CCSER1: variants seen among roughly 807,000 people sequenced by gnomAD.
CCSER1 encodes the protein coiled-coil serine rich protein 1, also known as serine-rich coiled-coil domain-containing protein 1.
CCSER1 carries 41 observed loss-of-function variants against 82.0 expected under a neutral mutation model. The observed-to-expected ratio is 0.50, with a 90% confidence interval of 0.39 to 0.65. The LOEUF (loss-of-function observed/expected upper bound fraction) is 0.65, where lower values mean the gene tolerates loss of function less well. Among genes scored for constraint, CCSER1 ranks in the 30% least tolerant of loss-of-function variants. The pLI, the probability that CCSER1 is intolerant of heterozygous loss-of-function variation, is 0.00. For synonymous variants in CCSER1, 414 were observed against 383.9 expected (o/e 1.08, Z -0.92); for missense variants, 1,119 against 1,064.2 (o/e 1.05, Z -0.72).
chr4:90,345,086 A>G (rs1314750272), intron 3 of CCSER1, among the ~76,000 whole-genome samples: 1 of 152,248 alleles, frequency 6.6e-6, no homozygotes, highest in Middle Eastern at 3.4e-3. Flanking sequence ...AGTTGGCACT[A>G]TCAACTGTTT....
chr4:91,501,921 T>C (rs1445061854), intron 10 of CCSER1, among the ~76,000 whole-genome samples: 1 of 152,216 alleles, frequency 6.6e-6, no homozygotes, highest in Admixed American at 6.5e-5. Flanking sequence ...TAAGCACAAT[T>C]GACAGCATCA....
At chr4:90,457,545 G>A (rs1762346504) in intron 4 of CCSER1, among the ~76,000 whole-genome samples, 1 of 152,156 alleles carries the variant, frequency 6.6e-6, no homozygotes, top group African/African-American at 2.4e-5. Flanking sequence ...TCTTTCAACA[G>A]GCAGATCATC....
rs1553984740 is a variant in CCSER1, at chr4:90,276,317, T to TC, written c.-41-31927_-41-31926insC. On this transcript the variant is annotated intron_variant, in intron 1 of 10. Transcript: ENST00000509176. ...TTCCTTCCTTCCTTCCTTTCTTTCTTTTTCTTTCTTTCTTTCTTTCTTCTT... is the reference window on the plus strand; with the variant it reads ...TTCCTTCCTTCCTTCCTTTCTTTCTTCTTTCTTTCTTTCTTTCTTTCTTCTT... 2.0e-4 allele frequency among the ~76,000 whole-genome samples: 23 copies of TC among 113,328 alleles called. 1 individual carries two copies. Among genetic ancestry groups the TC allele is most frequent in the African/African-American group, 9.5e-4 (22 of 23,074 alleles). The allele number at this position is 113,328 out of a possible 152,430, so 74.3% of individuals were successfully genotyped here. A position where few individuals can be genotyped will look rare whatever the true frequency, so the allele number is the denominator to read the frequency against.
chr4:90,852,081 C>T (rs556566100), intron 8 of CCSER1, among the ~76,000 whole-genome samples: 1 of 151,770 alleles, frequency 6.6e-6, no homozygotes, highest in Non-Finnish European at 1.5e-5. Flanking sequence ...TTAGATAATC[C>T]AGCATTAGCA....
chr4:90,236,046 A>G (rs1447799124), intron 1 of CCSER1, among the ~76,000 whole-genome samples: 1 of 152,118 alleles, frequency 6.6e-6, no homozygotes, highest in African/African-American at 2.4e-5. Context: ...GGCTCAAGAC[A>G]TCCTCCCACC....
intron 4 of CCSER1, among the ~76,000 whole-genome samples, chr4:90,410,714 A>T (rs1393465226): frequency 6.6e-6 from 1 of 152,208 alleles, no homozygotes; most frequent in Admixed American, 6.5e-5. Flanking sequence ...ATCACAATTA[A>T]CTAGAGAAGC....
At chr4:90,361,369 A>G (rs1487052077) in intron 3 of CCSER1, among the ~76,000 whole-genome samples, 2 of 152,222 alleles carry the variant, frequency 1.3e-5, no homozygotes, top group East Asian at 3.9e-4. Context: ...ACAATATCTA[A>G]CTAAAATAAA....
intron 1 of CCSER1, among the ~76,000 whole-genome samples, chr4:90,182,434 G>C (rs1229778823): frequency 6.6e-6 from 1 of 152,020 alleles, no homozygotes; most frequent in Non-Finnish European, 1.5e-5. Context: ...ACCAGTCTTT[G>C]TGTTATTCTT....
At chr4:91,373,156 C>A (rs1268608347) in intron 10 of CCSER1, among the ~76,000 whole-genome samples, 1 of 148,886 alleles carries the variant, frequency 6.7e-6, no homozygotes, top group Non-Finnish European at 1.5e-5. Flanking sequence ...TTTTTTTTTG[C>A]AAATAGGAAA....
chr4:91,088,602 T>G (rs1330320595), intron 10 of CCSER1, among the ~76,000 whole-genome samples: 2 of 152,330 alleles, frequency 1.3e-5, no homozygotes, highest in Admixed American at 6.5e-5. Context: ...ATTAGCTGTA[T>G]GAAATAACCC....
chr4:90,533,170 C>CA (rs1774830967), intron 5 of CCSER1, among the ~76,000 whole-genome samples: 1 of 145,938 alleles, frequency 6.9e-6, no homozygotes, highest in South Asian at 2.2e-4. Flanking sequence ...CGGCTCACTG[C>CA]AAGCTCCGCC....
At chr4:90,798,084 A>G (rs1236440496) in intron 7 of CCSER1, among the ~76,000 whole-genome samples, 1 of 151,226 alleles carries the variant, frequency 6.6e-6, no homozygotes, top group African/African-American at 2.5e-5. Flanking sequence ...AGTTGGCTCT[A>G]TTCTCCTGAT....
At chr4:90,838,559 C>CA (rs372607862) in intron 8 of CCSER1, among the ~76,000 whole-genome samples, 24,422 of 146,268 alleles carry the variant, frequency 0.17, 2,385 homozygotes, top group South Asian at 0.27. Flanking sequence ...ATCATTTGAA[C>CA]AAAAAAAAAA....
chr4:90,251,153 G>A (rs1002588654), intron 1 of CCSER1, among the ~76,000 whole-genome samples: 1 of 151,724 alleles, frequency 6.6e-6, no homozygotes, highest in African/African-American at 2.4e-5. Context: ...CATTCCCTTT[G>A]CAAATAGAGG....
intron 9 of CCSER1, among the ~76,000 whole-genome samples, chr4:91,085,092 C>G (rs1723231076): frequency 6.7e-6 from 1 of 149,506 alleles, no homozygotes; most frequent in African/African-American, 2.5e-5. Flanking sequence ...TCTAGTGCAT[C>G]TTTACTACAG....
At chr4:91,277,878 G>A (rs1263938149) in intron 10 of CCSER1, among the ~76,000 whole-genome samples, 1 of 151,682 alleles carries the variant, frequency 6.6e-6, no homozygotes, top group Non-Finnish European at 1.5e-5. Flanking sequence ...GATATGTTGT[G>A]TCTCAATTTT....
At chr4:90,358,134 C>T (rs1383361317) in intron 3 of CCSER1, among the ~76,000 whole-genome samples, 1 of 151,930 alleles carries the variant, frequency 6.6e-6, no homozygotes, top group Non-Finnish European at 1.5e-5. Context: ...GATATTTTGA[C>T]AAAAGATGTT....
intron 10 of CCSER1, among the ~76,000 whole-genome samples, chr4:91,149,323 G>A (rs1178651032): frequency 6.6e-6 from 1 of 152,030 alleles, no homozygotes; most frequent in Non-Finnish European, 1.5e-5. Flanking sequence ...ACTTGTTGAT[G>A]GGGTTGATTT....
intron 8 of CCSER1, among the ~76,000 whole-genome samples, chr4:90,820,747 AT>A (rs1360400630): frequency 2.0e-5 from 3 of 151,054 alleles, no homozygotes; most frequent in Non-Finnish European, 4.4e-5. Context: ...TATTATATAT[AT>A]TTTTATAGCT....
Sources: gnomAD v4.1 joint callset for allele counts (sites outside exome capture counted in the v4.1 genomes callset) on GRCh38, gnomAD v4.1.1 for gene constraint, MANE v1.5 for transcripts, NCBI Gene and HGNC (gene_info 2026-07-23, HGNC 2026-07-21) for gene names.